CHST11: variants seen among roughly 807,000 people sequenced by gnomAD.
The protein encoded by CHST11 is carbohydrate sulfotransferase 11.
A neutral mutation model predicts 30.4 loss-of-function variants in CHST11; 9 were observed. That is an observed-to-expected ratio of 0.30 (90% CI 0.18 to 0.52). The LOEUF is 0.52. Ranked by LOEUF, CHST11 falls within the 20% of genes least tolerant of loss-of-function variation. CHST11 has a pLI of 0.97. For synonymous variants in CHST11, 152 were observed against 187.8 expected, an observed-to-expected ratio of 0.81 and a Z score of 1.56; for missense variants, 348 against 460.6, an observed-to-expected ratio of 0.76 and a Z score of 2.24.
intron 2 of CHST11, among the ~76,000 whole-genome samples, chr12:104,738,809 C>G (rs1385703975): frequency 6.6e-6 from 1 of 152,264 alleles, no homozygotes; most frequent in African/African-American, 2.4e-5. Context: ...GCCATCTTTT[C>G]TGTTCCTTGT....
intron 2 of CHST11, among the ~76,000 whole-genome samples, chr12:104,648,875 A>G (rs1409315522): frequency 6.6e-6 from 1 of 152,170 alleles, no homozygotes; most frequent in Non-Finnish European, 1.5e-5. Flanking sequence ...GGCACCCTGA[A>G]ACTGGCAACA....
chr12:104,709,933 A>G (rs1408773446), intron 2 of CHST11, among the ~76,000 whole-genome samples: 2 of 152,202 alleles, frequency 1.3e-5, no homozygotes, highest in Non-Finnish European at 2.9e-5. Flanking sequence ...ATGGTGGCTC[A>G]TGCTTATAAT....
intron 2 of CHST11, among the ~76,000 whole-genome samples, chr12:104,749,347 G>A (rs2136144362): frequency 6.6e-6 from 1 of 152,292 alleles, no homozygotes; most frequent in East Asian, 1.9e-4. Flanking sequence ...TTGCTGCTAG[G>A]AAGCCCACAG....
At position 104,758,541 on chromosome 12, in the gene CHST11, A is replaced by T. The variant is rs972347453; in HGVS notation, c.*738A>T. The T allele has an allele frequency of 3.3e-5, 5 of 152,172 alleles. No individual in the cohort carries two copies. Among genetic ancestry groups the T allele is most frequent in the African/African-American group, 1.2e-4 (5 of 41,450 alleles). The allele number at this position is 152,172 out of a possible 1,614,324, so 9.4% of individuals were successfully genotyped here. On this transcript the variant is annotated 3_prime_UTR_variant, in exon 3 of 3. Coordinates refer to ENST00000303694, the MANE Select transcript of CHST11 (RefSeq NM_018413.6). Reference sequence around the variant, plus strand: ...GTGAAGGTGAAGTGGCTATTGCTTTATATTCGACAAATATTTATTGAGCAT... The same window carrying T: ...GTGAAGGTGAAGTGGCTATTGCTTTTTATTCGACAAATATTTATTGAGCAT...
At chr12:104,671,780 C>T (rs760936945) in intron 2 of CHST11, among the ~76,000 whole-genome samples, 2 of 152,150 alleles carry the variant, frequency 1.3e-5, no homozygotes, top group Non-Finnish European at 2.9e-5. Context: ...CTCTCCTCCC[C>T]GCCCCCAGCC....
At chr12:104,482,170 G>T (rs2037630372) in intron 1 of CHST11, among the ~76,000 whole-genome samples, 1 of 151,478 alleles carries the variant, frequency 6.6e-6, no homozygotes, top group Admixed American at 6.6e-5. Flanking sequence ...AGAATGTATG[G>T]CTCTTTTTTT....
At chr12:104,467,269 T>C (rs996738531) in intron 1 of CHST11, among the ~76,000 whole-genome samples, 3 of 152,230 alleles carry the variant, frequency 2.0e-5, no homozygotes, top group African/African-American at 7.2e-5. Context: ...TGGCCATTTG[T>C]ATTCTTGATA....
At chr12:104,569,014 G>C (rs139708550) in intron 1 of CHST11, among the ~76,000 whole-genome samples, 18 of 152,134 alleles carry the variant, frequency 1.2e-4, no homozygotes, top group African/African-American at 4.1e-4. Flanking sequence ...TCATGTATTA[G>C]CTCATTAATC....
chr12:104,638,619 C>G (rs2039347584), intron 2 of CHST11, among the ~76,000 whole-genome samples: 1 of 152,174 alleles, frequency 6.6e-6, no homozygotes, highest in Admixed American at 6.5e-5. Flanking sequence ...AAAAAATAGC[C>G]TTGCATTTCT....
At chr12:104,570,544 A>G (rs1441533493) in intron 1 of CHST11, among the ~76,000 whole-genome samples, 4 of 152,228 alleles carry the variant, frequency 2.6e-5, no homozygotes, top group Admixed American at 2.0e-4. Flanking sequence ...TCCTTCCTGC[A>G]AGAAAATGTG....
At chr12:104,546,993 A>G (rs1328562813) in intron 1 of CHST11, among the ~76,000 whole-genome samples, 1 of 152,250 alleles carries the variant, frequency 6.6e-6, no homozygotes, top group Non-Finnish European at 1.5e-5. Flanking sequence ...GACAGAAACC[A>G]AGGGGAGAAC....
At chr12:104,646,621 A>G (rs954022201) in intron 2 of CHST11, among the ~76,000 whole-genome samples, 2 of 106,546 alleles carry the variant, frequency 1.9e-5, no homozygotes, top group African/African-American at 7.1e-5. Flanking sequence ...AGTCCCAGCT[A>G]GTTGACTACA....
intron 2 of CHST11, among the ~76,000 whole-genome samples, chr12:104,604,188 G>A (rs1408226467): frequency 2.6e-5 from 4 of 152,114 alleles, no homozygotes; most frequent in Non-Finnish European, 2.9e-5. Context: ...TCTTCCTTCC[G>A]GTAGTGTTCT....
At chr12:104,611,300 C>A (rs1371924659) in intron 2 of CHST11, among the ~76,000 whole-genome samples, 1 of 152,122 alleles carries the variant, frequency 6.6e-6, no homozygotes, top group Non-Finnish European at 1.5e-5. Context: ...GTATTTGATA[C>A]CTACAGCACA....
At chr12:104,640,392 A>G (rs1351480390) in intron 2 of CHST11, among the ~76,000 whole-genome samples, 1 of 152,232 alleles carries the variant, frequency 6.6e-6, no homozygotes, top group East Asian at 1.9e-4. Flanking sequence ...AATATTATTC[A>G]GCAATCAGAA....
intron 2 of CHST11, among the ~76,000 whole-genome samples, chr12:104,615,286 A>T (rs976725487): frequency 6.6e-6 from 1 of 152,174 alleles, no homozygotes; most frequent in Non-Finnish European, 1.5e-5. Flanking sequence ...TGAGTATTGG[A>T]GAAATCGCTC....
chr12:104,490,736 T>C (rs1018998432), intron 1 of CHST11, among the ~76,000 whole-genome samples: 1 of 152,208 alleles, frequency 6.6e-6, no homozygotes, highest in Non-Finnish European at 1.5e-5. Flanking sequence ...GAGGATGGAT[T>C]CTTCACCAGA....
chr12:104,590,996 T>A (rs990095896), intron 1 of CHST11, among the ~76,000 whole-genome samples: 2 of 151,540 alleles, frequency 1.3e-5, no homozygotes, highest in Non-Finnish European at 2.9e-5. Flanking sequence ...AGACAGTGTG[T>A]CCAGGGAAGC....
intron 1 of CHST11, among the ~76,000 whole-genome samples, chr12:104,563,253 G>A (rs138545114): frequency 6.6e-6 from 1 of 152,158 alleles, no homozygotes; most frequent in Non-Finnish European, 1.5e-5. Context: ...GGCCAGGCTG[G>A]TCTCGAACTC....
Sources: gnomAD v4.1 joint callset for allele counts (sites outside exome capture counted in the v4.1 genomes callset) on GRCh38, gnomAD v4.1.1 for gene constraint, MANE v1.5 for transcripts, NCBI Gene and HGNC (gene_info 2026-07-23, HGNC 2026-07-21) for gene names.